Variants in MACROD2 observed in about 807,000 individuals in gnomAD.
MACROD2 encodes the protein mono-ADP ribosylhydrolase 2.
Under a neutral mutation model 70.4 loss-of-function variants are expected in MACROD2, and 36 were observed. The observed-to-expected ratio is 0.51, with a 90% CI of 0.39 to 0.68. The LOEUF (loss-of-function observed/expected upper bound fraction) is 0.68. Among genes scored for constraint, MACROD2 ranks in the 30% least tolerant of loss-of-function variants. The pLI is 0.00. For synonymous variants in MACROD2, 172 were observed against 178.8 expected (o/e 0.96, Z 0.30); for missense variants, 496 against 538.4 (o/e 0.92, Z 0.78).
chr20:15,070,285 G>A (rs1043147144), intron 5 of MACROD2, among the ~76,000 whole-genome samples: 5 of 152,064 alleles, frequency 3.3e-5, no homozygotes, highest in Admixed American at 6.5e-5. Flanking sequence ...GATTTTACAC[G>A]TTCCTAGGTA....
intron 3 of MACROD2, among the ~76,000 whole-genome samples, chr20:14,364,027 G>C (rs2122727151): frequency 6.6e-6 from 1 of 152,102 alleles, no homozygotes; most frequent in East Asian, 1.9e-4. Context: ...AACTCTAGGG[G>C]TTTGGGGCAT....
intron 6 of MACROD2, among the ~76,000 whole-genome samples, chr20:15,414,801 A>G (rs2046124849): frequency 6.6e-6 from 1 of 152,204 alleles, no homozygotes; most frequent in South Asian, 2.1e-4. Context: ...ATTATTTTCT[A>G]TTTACTTGCT....
intron 3 of MACROD2, among the ~76,000 whole-genome samples, chr20:14,203,088 T>C (rs1219910130): frequency 6.6e-6 from 1 of 152,106 alleles, no homozygotes; most frequent in African/African-American, 2.4e-5. Flanking sequence ...AATTATTTAT[T>C]TTTTCTTTTT....
intron 3 of MACROD2, among the ~76,000 whole-genome samples, chr20:14,230,631 T>A (rs868774483): frequency 2.2e-3 from 210 of 94,086 alleles, no homozygotes; most frequent in African/African-American, 7.2e-3. Flanking sequence ...TCATTCATGT[T>A]TATATATATA....
chr20:15,742,993 C>T (rs2051128038), intron 8 of MACROD2, among the ~76,000 whole-genome samples: 1 of 152,204 alleles, frequency 6.6e-6, no homozygotes, highest in Non-Finnish European at 1.5e-5. Flanking sequence ...TATCTTCAAT[C>T]TCTTTCCCCT....
At chr20:14,524,137 A>G (rs1165512001) in intron 4 of MACROD2, among the ~76,000 whole-genome samples, 2 of 152,264 alleles carry the variant, frequency 1.3e-5, no homozygotes. Flanking sequence ...AACGGTATTT[A>G]TAATTACATT....
chr20:15,953,643 TTC>T (rs2065937459), intron 12 of MACROD2, among the ~76,000 whole-genome samples: 3 of 152,336 alleles, frequency 2.0e-5, no homozygotes, highest in African/African-American at 7.2e-5. Context: ...GTAAAAACGT[TTC>T]TGTTTTCAAG....
At chr20:14,341,017 T>C (rs1448935706) in intron 3 of MACROD2, among the ~76,000 whole-genome samples, 1 of 152,182 alleles carries the variant, frequency 6.6e-6, no homozygotes, top group Non-Finnish European at 1.5e-5. Context: ...GTCTTTTAGT[T>C]ACCAACTACC....
intron 3 of MACROD2, among the ~76,000 whole-genome samples, chr20:14,259,627 G>C (rs2423778): frequency 0.62 from 94,275 of 152,090 alleles, 30,935 homozygotes; most frequent in Non-Finnish European, 0.74. Flanking sequence ...ACTGTGCTAG[G>C]TGCTGGGGAC....
intron 3 of MACROD2, among the ~76,000 whole-genome samples, chr20:14,183,231 C>T (rs1267109116): frequency 1.3e-5 from 2 of 151,554 alleles, no homozygotes; most frequent in Non-Finnish European, 2.9e-5. Context: ...CTCTATGGGT[C>T]CATATGTTCT....
intron 8 of MACROD2, among the ~76,000 whole-genome samples, chr20:15,788,493 C>G (rs2051969200): frequency 6.6e-6 from 1 of 152,162 alleles, no homozygotes; most frequent in African/African-American, 2.4e-5. Context: ...TGATGACCTT[C>G]TCACCAATGT....
intron 8 of MACROD2, among the ~76,000 whole-genome samples, chr20:15,821,331 A>G (rs895722097): frequency 6.6e-5 from 10 of 151,996 alleles, no homozygotes; most frequent in African/African-American, 2.4e-4. Context: ...TCCGCAGGAC[A>G]TATTACAAAT....
chr20:15,326,434 A>C (rs1305031978), intron 6 of MACROD2, among the ~76,000 whole-genome samples: 1 of 152,228 alleles, frequency 6.6e-6, no homozygotes, highest in Non-Finnish European at 1.5e-5. Context: ...TATCCATTTC[A>C]CATAATTTTA....
At chr20:15,094,375 C>T (rs1006471609) in intron 5 of MACROD2, among the ~76,000 whole-genome samples, 1 of 152,002 alleles carries the variant, frequency 6.6e-6, no homozygotes, top group Non-Finnish European at 1.5e-5. Context: ...CATGCATTTC[C>T]AGCAGCAGTC....
In MACROD2 at chr20:15,480,603, G is replaced by C. The variant is rs114958247; in HGVS notation, c.572-19171G>C. 5.9e-3 allele frequency among the ~76,000 whole-genome samples: 897 copies of C among 152,164 alleles called. 11 individuals are homozygous for C. The highest frequency in any genetic ancestry group is 0.021 in the African/African-American group (857 of 41,504). ...GTGGATGGCTGCCTGAGTTCTTGCT[G>C]GCTAGCCTCTGGTTGGGTTTGTGTC... On this transcript the variant is annotated intron_variant, in intron 7 of 17. Transcript: ENST00000684519.
intron 10 of MACROD2, among the ~76,000 whole-genome samples, chr20:15,906,021 T>A (rs1012707170): frequency 6.6e-6 from 1 of 152,222 alleles, no homozygotes; most frequent in Non-Finnish European, 1.5e-5. Flanking sequence ...TTCTCCATCC[T>A]GAGAATTCCC....
chr20:14,568,674 G>A (rs1459121958), intron 4 of MACROD2, among the ~76,000 whole-genome samples: 1 of 152,018 alleles, frequency 6.6e-6, no homozygotes, highest in Admixed American at 6.6e-5. Context: ...AAACCTTAGT[G>A]AACTTTCTCC....
chr20:14,016,448 A>G (rs1246838594), intron 2 of MACROD2, among the ~76,000 whole-genome samples: 1 of 151,876 alleles, frequency 6.6e-6, no homozygotes, highest in East Asian at 1.9e-4. Flanking sequence ...TCTCTGGTTG[A>G]TTGCTTTTGG....
At chr20:15,002,637 A>G (rs539150281) in intron 5 of MACROD2, among the ~76,000 whole-genome samples, 33 of 152,268 alleles carry the variant, frequency 2.2e-4, no homozygotes, top group African/African-American at 7.5e-4. Context: ...TCAAATTCCT[A>G]TGGGGACCGG....
Sources: allele counts gnomAD v4.1 joint callset (sites outside exome capture counted in the v4.1 genomes callset), GRCh38; gene constraint gnomAD v4.1.1; transcripts MANE v1.5; gene names NCBI Gene and HGNC (gene_info 2026-07-23, HGNC 2026-07-21).